Variants in UGT1A4 observed in about 807,000 individuals in gnomAD.
The protein encoded by UGT1A4 is UDP glucuronosyltransferase family 1 member A4.
In UGT1A4, 32 loss-of-function variants were observed where a neutral mutation model predicts 41.1. The observed-to-expected ratio is 0.78, with a 90% CI of 0.59 to 1.05. UGT1A4 has a LOEUF of 1.05. Ranked by LOEUF, UGT1A4 falls within the 50% of genes least tolerant of loss-of-function variation. The pLI is 0.00. For synonymous variants in UGT1A4, 283 were observed against 265.1 expected (o/e 1.07, Z -0.66); for missense variants, 748 against 677.4 (o/e 1.10, Z -1.16).
chr2:233,754,728 C>T (rs964525273), intron 1 of UGT1A4: 1 of 620,812 alleles, frequency 1.6e-6, no homozygotes, highest in African/African-American at 1.9e-5. Context: ...TGTCCCATCA[C>T]TACCGTAGGA....
chr2:233,745,803 A>G (rs11695484), intron 1 of UGT1A4, among the ~76,000 whole-genome samples: 45,405 of 150,528 alleles, frequency 0.3, 7,175 homozygotes, highest in South Asian at 0.39. Flanking sequence ...GGTCTATCCC[A>G]GAGTTTTGAG....
chr2:233,745,132 TG>T (rs1669104156), intron 1 of UGT1A4, among the ~76,000 whole-genome samples: 1 of 151,914 alleles, frequency 6.6e-6, no homozygotes, highest in Admixed American at 6.5e-5. Context: ...TCTGCAGATG[TG>T]AAGCCCAAGT....
At chr2:233,745,905 G>A (rs1693243700) in intron 1 of UGT1A4, among the ~76,000 whole-genome samples, 1 of 151,554 alleles carries the variant, frequency 6.6e-6, no homozygotes, top group Non-Finnish European at 1.5e-5. Context: ...TTTTCAGGGA[G>A]CAGCTGAGGC....
At chr2:233,719,824 T>G in intron 1 of UGT1A4, 137 bp downstream of exon 1, 2 of 1,564,874 alleles carry the variant, frequency 1.3e-6, no homozygotes, top group South Asian at 2.4e-5. Context: ...GATAAACTGT[T>G]GAGGGGCCTA....
At chr2:233,760,630 A>G (rs759620086) in intron 1 of UGT1A4, 1 of 1,614,164 alleles carries the variant, frequency 6.2e-7, no homozygotes, top group South Asian at 1.1e-5. Flanking sequence ...AACATACAAG[A>G]AAATAAAAAA....
At position 233,767,942 on chromosome 2, in the gene UGT1A4, T is replaced by A; in HGVS notation, c.1087+6T>A. On this transcript the variant is annotated splice_donor_region_variant and intron_variant, in intron 3 of 4. Transcript: ENST00000373409. ...ACCCCAAAACGATCTGCTTGGTATG[T>A]TGGGCGGATTGGATGTATAGGTCAA... is the stretch of plus-strand genomic sequence containing the variant. 1 of 1,614,210 alleles carries A rather than the reference T, an allele frequency of 6.2e-7. No individual in the cohort carries two copies. The highest frequency in any genetic ancestry group is 1.3e-5 in the African/African-American group (1 of 75,040).
At chr2:233,754,441 A>G (rs1275435430) in intron 1 of UGT1A4, 18 of 350,072 alleles carry the variant, frequency 5.1e-5, no homozygotes, top group Non-Finnish European at 5.6e-6. Context: ...AAGTGTTTAT[A>G]AATTCTTGGG....
In UGT1A4 at chr2:233,769,623, G is replaced by A. The variant is rs1699907575; in HGVS notation, c.1307+1184G>A. The A allele has an allele frequency of 6.2e-7, 1 of 1,612,212 alleles. No homozygotes were observed. Among genetic ancestry groups the A allele is most frequent in the Non-Finnish European group, 8.5e-7 (1 of 1,179,652 alleles). On this transcript the variant is annotated intron_variant, in intron 4 of 4. Transcript: ENST00000373409. This position sits in a 1 kb window ranked among gnomAD's most constrained non-coding sequence, Gnocchi z 4.4. Reference sequence around the variant, plus strand: ...ACGGGGACACACCAGCTTGAGCAAGGGACAACAGGGGAGGACTGATGACTG... The same window carrying A: ...ACGGGGACACACCAGCTTGAGCAAGAGACAACAGGGGAGGACTGATGACTG...
chr2:233,726,607 G>C (rs2077545440), intron 1 of UGT1A4, among the ~76,000 whole-genome samples: 1 of 152,126 alleles, frequency 6.6e-6, no homozygotes, highest in Non-Finnish European at 1.5e-5. Context: ...TGATTACACT[G>C]TCCTGCCCAG....
chr2:233,719,118 T>C lies in UGT1A4; in HGVS notation c.298T>C (p.Phe100Leu), dbSNP rs1175236836. ...DRVTLGYTQG[F>L]FETEHLLKRY... ...CGTTACGCTGGGCTACACTCAAGGG[T>C]TCTTTGAAACAGAACATCTTCTGAA... Residue 100 changes from phenylalanine to leucine, a missense_variant, in exon 1 of 5, where the codon TTC becomes CTC. Physicochemically the swap from Phe to Leu is conservative, Grantham distance 22. Transcript: ENST00000373409. 1 of 1,614,062 alleles carries C rather than the reference T, an allele frequency of 6.2e-7. No individual in the cohort carries two copies. Among genetic ancestry groups the C allele is most frequent in the East Asian group, 2.2e-5 (1 of 44,898 alleles).
At chr2:233,758,509 A>G (rs1575759497) in intron 1 of UGT1A4, among the ~76,000 whole-genome samples, 1 of 152,232 alleles carries the variant, frequency 6.6e-6, no homozygotes, top group Non-Finnish European at 1.5e-5. Context: ...TAATAAGGAC[A>G]CAACAAAGAG....
chr2:233,745,916 A>G (rs1693246629), intron 1 of UGT1A4, among the ~76,000 whole-genome samples: 1 of 151,488 alleles, frequency 6.6e-6, no homozygotes. Flanking sequence ...CAGCTGAGGC[A>G]GTGATTCAGA....
chr2:233,761,294 G>T, intron 1 of UGT1A4: 1 of 1,510,468 alleles, frequency 6.6e-7, no homozygotes, highest in Non-Finnish European at 9.0e-7. Flanking sequence ...TGACTCCTAG[G>T]TTTGAGTCTG....
chr2:233,760,837 A>T (rs1440575421), intron 1 of UGT1A4: 4 of 1,613,664 alleles, frequency 2.5e-6, no homozygotes, highest in Non-Finnish European at 3.4e-6. Flanking sequence ...ATTTGAGGCT[A>T]CCCAGTGCCC....
At chr2:233,763,328 G>T (rs1698281248) in intron 1 of UGT1A4, among the ~76,000 whole-genome samples, 1 of 152,072 alleles carries the variant, frequency 6.6e-6, no homozygotes, top group African/African-American at 2.4e-5. Context: ...TATTATTTTT[G>T]TTTACATTTC....
At chr2:233,730,541 T>A (rs1015263117) in intron 1 of UGT1A4, among the ~76,000 whole-genome samples, 1 of 152,098 alleles carries the variant, frequency 6.6e-6, no homozygotes, top group African/African-American at 2.4e-5. Context: ...TTGGGATGGA[T>A]GTCTGTGATT....
chr2:233,752,549 C>G (rs1323378417), intron 1 of UGT1A4: 4 of 152,146 alleles, frequency 2.6e-5, no homozygotes, highest in Admixed American at 2.0e-4. Context: ...AATGCTCTTG[C>G]TGGGACAACA....
At chr2:233,736,493 CT>C (rs2078770083) in intron 1 of UGT1A4, among the ~76,000 whole-genome samples, 1 of 152,222 alleles carries the variant, frequency 6.6e-6, no homozygotes, top group African/African-American at 2.4e-5. Context: ...TACTACCAAA[CT>C]TCTGAAGCCT....
chr2:233,747,593 T>A (rs1693725336), intron 1 of UGT1A4: 2 of 1,577,004 alleles, frequency 1.3e-6, no homozygotes, highest in Non-Finnish European at 1.7e-6. Flanking sequence ...TTCATAGGTC[T>A]TGTGTGGAGC....
Sources: gnomAD v4.1 joint callset for allele counts (sites outside exome capture counted in the v4.1 genomes callset) on GRCh38, gnomAD v4.1.1 for gene constraint, Gnocchi (gnomAD v3.1) non-coding constraint, MANE v1.5 for transcripts, NCBI Gene and HGNC (gene_info 2026-07-23, HGNC 2026-07-21) for gene names.